The following MYO1C variants were observed in gnomAD, a reference collection of about 807,000 sequenced individuals.
MYO1C encodes the protein unconventional myosin-Ic.
In MYO1C, 104 loss-of-function variants were observed where a neutral mutation model predicts 150.8. The observed-to-expected ratio is 0.69, with a 90% CI of 0.59 to 0.81. The LOEUF is 0.81. Ranked by LOEUF, MYO1C falls within the 30% of genes least tolerant of loss-of-function variation. The probability of loss-of-function intolerance (pLI) is 0.00; values close to 1 mark genes in which losing one functional copy is unlikely to be tolerated. For missense variants in MYO1C, 1,504 were observed against 1,435.0 expected (o/e 1.05, Z -0.78); for synonymous variants, 663 against 579.9 (o/e 1.14, Z -2.06).
intron 1 of MYO1C, among the ~76,000 whole-genome samples, chr17:1,486,700 G>C (rs1374550203): frequency 2.0e-5 from 3 of 152,142 alleles, no homozygotes; most frequent in African/African-American, 4.8e-5. Context: ...ATTTTTAGTA[G>C]AGACGGGGTT....
intron 1 of MYO1C, chr17:1,485,191 G>T: frequency 3.4e-6 from 4 of 1,185,818 alleles, no homozygotes; most frequent in Admixed American, 3.7e-5. Context: ...CAAGACCCTC[G>T]CCCCACAACC....
At position 1,469,556 on chromosome 17, in the gene MYO1C, C is replaced by A; in HGVS notation, c.2585G>T (p.Ser862Ile). 6.2e-7 allele frequency: 1 copy of A among 1,613,140 alleles called. No homozygotes were observed. The highest frequency in any genetic ancestry group is 8.5e-7 in the Non-Finnish European group (1 of 1,179,670). ...IKNMVWKYCR[S>I]ISPEWKQQLQ... ...CTGCTGCTTCCACTCAGGGCTGATA[C>A]TCCGGCAGTATTTCCACACCATGTT... The change falls in exon 25 of 32, where the codon AGT (serine) becomes ATT (isoleucine). Residue 862 changes from serine to isoleucine, a missense_variant. Transcript: ENST00000648651.
intron 25 of MYO1C, chr17:1,469,061 A>G: frequency 3.3e-6 from 1 of 301,090 alleles, no homozygotes. Context: ...CACGAGGCCC[A>G]GCAGGGCCTG....
At chr17:1,468,926 C>G in intron 25 of MYO1C, 3 of 302,238 alleles carry the variant, frequency 9.9e-6, no homozygotes, top group East Asian at 1.7e-4. Flanking sequence ...TATCACCAAT[C>G]GACCCGAGTG....
Position 1,475,009 on chromosome 17 carries a change from G to T in MYO1C, c.1598C>A (p.Thr533Asn). The T allele has an allele frequency of 6.4e-7, 1 of 1,553,048 alleles. No homozygotes were observed. The highest frequency in any genetic ancestry group is 8.7e-7 in the Non-Finnish European group (1 of 1,147,816). ...FLTHKLADQR[T>N]RKSLGRGEFR... ...TTCCCCTCGGCCCAGAGATTTCCTG[G>T]TCCGCTGGTCAGCCAGCTTGTGCCT... is the stretch of plus-strand genomic sequence containing the variant. The change falls in exon 15 of 32, where the codon ACC (threonine) becomes AAC (asparagine). Residue 533 changes from threonine to asparagine, a missense_variant. Transcript: ENST00000648651.
rs1293452957 is a variant in MYO1C, at chr17:1,468,560, C to A, written c.2611-64G>T. The A allele has an allele frequency of 2.9e-6, 4 of 1,379,178 alleles. No individual in the cohort carries two copies. In the African/African-American group the frequency reaches 5.7e-5, roughly 20 times the overall value. The allele number at this position is 1,379,178 out of a possible 1,614,324, so 85.4% of individuals were successfully genotyped here. On this transcript the variant is annotated intron_variant, in intron 25 of 31. Coordinates refer to ENST00000648651, the MANE Select transcript of MYO1C (RefSeq NM_001080779.2). ...GGAGCACCATCTTGGGGGGGCAGAG[C>A]CAGCCTTAGGACCTGAGACAGCCTC...
intron 1 of MYO1C, chr17:1,490,982 C>T (rs554666390): frequency 6.6e-6 from 1 of 152,610 alleles, no homozygotes; most frequent in African/African-American, 2.4e-5. Context: ...CCTGATTCTC[C>T]CAAACACGCA....
Position 1,482,503 on chromosome 17 carries a change from T to C in MYO1C, c.602A>G (p.Tyr201Cys). The C allele has an allele frequency of 6.2e-7, 1 of 1,614,084 alleles. No homozygotes were observed. The highest frequency in any genetic ancestry group is 8.5e-7 in the Non-Finnish European group (1 of 1,179,966). ...CTTGAAGTCAAACTGCACATCCATG[T>C]ACTTCCCGAACCTGCTGGAGTTATC... ...RNDNSSRFGK[Y>C]MDVQFDFKGA... Residue 201 changes from tyrosine to cysteine, a missense_variant, in exon 5 of 32, where the codon TAC (tyrosine) becomes TGC (cysteine). Tyr to Cys is a radical substitution (Grantham distance 194). Transcript: ENST00000648651.
At chr17:1,473,129 G>A (rs527829804) in intron 17 of MYO1C, among the ~76,000 whole-genome samples, 21 of 152,242 alleles carry the variant, frequency 1.4e-4, no homozygotes, top group Admixed American at 4.6e-4. Flanking sequence ...GAGCCCAGGA[G>A]GCAGAGGTTG....
At chr17:1,469,303 G>A (rs892826712) in intron 25 of MYO1C, 4 of 575,528 alleles carry the variant, frequency 7.0e-6, no homozygotes, top group African/African-American at 5.5e-5. Context: ...AATACGGTAG[G>A]TGGGGTAAAT....
At chr17:1,483,561 C>A in intron 3 of MYO1C, 49 bp downstream of exon 3, 1 of 1,421,778 alleles carries the variant, frequency 7.0e-7, no homozygotes. Flanking sequence ...GCGGGGTCAC[C>A]TCAGATGGAG....
chr17:1,469,516 C>A lies in MYO1C; in HGVS notation c.2610+15G>T. The A allele has an allele frequency of 6.3e-7, 1 of 1,598,968 alleles. No individual in the cohort carries two copies. The highest frequency in any genetic ancestry group is 8.5e-7 in the Non-Finnish European group (1 of 1,171,142). The stretch of plus-strand genomic sequence containing the variant: ...ACTCCACTTCCTCATCCTCACCCAG[C>A]CCCGCTCTCCGTACCTGCTGCTTCC... On this transcript the variant is annotated intron_variant, in intron 25 of 31. Coordinates refer to ENST00000648651, the MANE Select transcript of MYO1C (RefSeq NM_001080779.2).
At chr17:1,469,323 C>G in intron 25 of MYO1C, 2 of 580,188 alleles carry the variant, frequency 3.4e-6, no homozygotes, top group East Asian at 6.0e-5. Context: ...TACAGTAGAC[C>G]GAGATAAATA....
chr17:1,474,340 A>G (rs1021749825), intron 17 of MYO1C, among the ~76,000 whole-genome samples: 20 of 151,798 alleles, frequency 1.3e-4, no homozygotes, highest in African/African-American at 4.8e-4. Context: ...AGGCAGGAGA[A>G]TCGCTTGAAC....
In MYO1C at chr17:1,467,923, G is replaced by A. The variant is rs765336310; in HGVS notation, c.2897-13C>T. On this transcript the variant is annotated splice_polypyrimidine_tract_variant and intron_variant, in intron 28 of 31. Transcript: ENST00000648651. The stretch of plus-strand genomic sequence containing the variant: ...CTGACAGAGATTCCTGAGGGGAGAG[G>A]GCAAAGGTCAGAGGTCGAGGGTCAG... 1.9e-6 allele frequency: 3 copies of A among 1,612,530 alleles called. No homozygotes were observed. The highest frequency in any genetic ancestry group is 2.2e-5 in the South Asian group (2 of 90,978).
intron 17 of MYO1C, among the ~76,000 whole-genome samples, chr17:1,472,757 G>C (rs986380571): frequency 6.6e-6 from 1 of 151,998 alleles, no homozygotes; most frequent in Admixed American, 6.6e-5. Flanking sequence ...GGGGCACCAG[G>C]TGACGTCTTC....
At position 1,472,103 on chromosome 17, in the gene MYO1C, C is replaced by A. The variant is rs1159719621; in HGVS notation, c.1903+20G>T. On this transcript the variant is annotated intron_variant, in intron 18 of 31. Transcript: ENST00000648651. ...TGCAGGGGAGGCCCGGCCCCGAAGT[C>A]CCCCGTGGGAGGGGCCTACCGGGCT... 3 of 1,613,732 alleles carry A rather than the reference C, an allele frequency of 1.9e-6. No individual in the cohort carries two copies. The highest frequency in any genetic ancestry group is 2.5e-6 in the Non-Finnish European group (3 of 1,179,744).
intron 14 of MYO1C, among the ~76,000 whole-genome samples, chr17:1,476,699 G>A (rs1175012875): frequency 4.6e-5 from 7 of 152,164 alleles, no homozygotes; most frequent in African/African-American, 1.2e-4. Context: ...GGACAGAGGC[G>A]CTTGTTCCTG....
Position 1,468,086 on chromosome 17 carries a change from T to C in MYO1C, c.2798A>G (p.Tyr933Cys). The C allele has an allele frequency of 6.2e-7, 1 of 1,613,444 alleles. No individual in the cohort carries two copies. The highest frequency in any genetic ancestry group is 8.5e-7 in the Non-Finnish European group (1 of 1,179,958). ...CAGCAGCTGCCGGGAGCGAGGCTTG[T>C]AGCCCTTGCGGTCGTATTTCACAAC... ...VPVVKYDRKG[Y>C]KPRSRQLLLT... Residue 933 changes from tyrosine (Y) to cysteine (C), a missense_variant, in exon 28 of 32, where the codon TAC (tyrosine) becomes TGC (cysteine). Physicochemically the swap from Tyr to Cys is radical, Grantham distance 194. Coordinates refer to ENST00000648651, the MANE Select transcript of MYO1C (RefSeq NM_001080779.2).
Sources: gnomAD v4.1 joint callset for allele counts (sites outside exome capture counted in the v4.1 genomes callset) on GRCh38, gnomAD v4.1.1 for gene constraint, MANE v1.5 for transcripts, NCBI Gene and HGNC (gene_info 2026-07-23, HGNC 2026-07-21) for gene names.